Variants in FARS2 observed in about 807,000 individuals in gnomAD.
The protein encoded by FARS2 is phenylalanine--tRNA ligase, mitochondrial.
A neutral mutation model predicts 46.4 loss-of-function variants in FARS2; 40 were observed. The observed-to-expected ratio is 0.86, with a 90% confidence interval of 0.67 to 1.12. The LOEUF is 1.12. Ranked by LOEUF, FARS2 falls within the 50% of genes most tolerant of loss-of-function variation. FARS2 has a pLI of 0.00. For missense variants in FARS2, 513 were observed against 567.9 expected (o/e 0.90, Z 0.98); for synonymous variants, 234 against 214.9 (o/e 1.09, Z -0.78).
At chr6:5,510,681 G>C (rs12204848) in intron 4 of FARS2, among the ~76,000 whole-genome samples, 38,411 of 152,142 alleles carry the variant, frequency 0.25, 5,001 homozygotes, top group South Asian at 0.38. Flanking sequence ...TGAGAAGCGA[G>C]TACGTGAGTG....
At chr6:5,690,070 T>C (rs1364256885) in intron 6 of FARS2, among the ~76,000 whole-genome samples, 8 of 152,218 alleles carry the variant, frequency 5.3e-5, no homozygotes, top group Non-Finnish European at 1.2e-4. Context: ...CCTTCATCCC[T>C]TTATTTTGAG....
At chr6:5,428,287 A>G (rs1398099401) in intron 3 of FARS2, among the ~76,000 whole-genome samples, 2 of 152,068 alleles carry the variant, frequency 1.3e-5, no homozygotes, top group African/African-American at 2.4e-5. Context: ...TATTTATTTA[A>G]CCTATCCAAA....
At chr6:5,289,747 G>C (rs559550644) in intron 1 of FARS2, among the ~76,000 whole-genome samples, 2 of 152,354 alleles carry the variant, frequency 1.3e-5, no homozygotes, top group Non-Finnish European at 2.9e-5. Flanking sequence ...TGTTGCAGGA[G>C]GGGACCAATC....
chr6:5,703,321 A>G (rs1758554134), intron 6 of FARS2, among the ~76,000 whole-genome samples: 2 of 152,078 alleles, frequency 1.3e-5, no homozygotes, highest in Non-Finnish European at 2.9e-5. Flanking sequence ...GGGTGCTGAA[A>G]AGCCCAGCCC....
At chr6:5,651,658 A>G (rs756680744) in intron 6 of FARS2, among the ~76,000 whole-genome samples, 1 of 152,222 alleles carries the variant, frequency 6.6e-6, no homozygotes, top group Non-Finnish European at 1.5e-5. Context: ...TGCAAACCTA[A>G]TAACAACCAT....
chr6:5,452,356 A>T (rs1764545668), intron 4 of FARS2: 1 of 152,378 alleles, frequency 6.6e-6, no homozygotes, highest in Admixed American at 6.5e-5. Context: ...GGTGAGGTCC[A>T]CATGGCCTTT....
chr6:5,358,893 A>T (rs1319683567), intron 1 of FARS2, among the ~76,000 whole-genome samples: 1 of 152,162 alleles, frequency 6.6e-6, no homozygotes, highest in African/African-American at 2.4e-5. Context: ...GTCACAAGAT[A>T]TGTTTCTCAT....
At chr6:5,259,511 C>A (rs373145295), upstream of FARS2, among the ~76,000 whole-genome samples, 42 of 152,254 alleles carry the variant, frequency 2.8e-4, no homozygotes, top group South Asian at 7.9e-3. Context: ...ATTTTCCAGG[C>A]GGGTTTCTAA....
At chr6:5,547,500 T>C (rs1391798718) in intron 5 of FARS2, among the ~76,000 whole-genome samples, 1 of 152,198 alleles carries the variant, frequency 6.6e-6, no homozygotes, top group Non-Finnish European at 1.5e-5. Context: ...CTTTTTGTTC[T>C]AATCAGGAGT....
At chr6:5,595,383 C>T (rs749578688) in intron 5 of FARS2, among the ~76,000 whole-genome samples, 3 of 152,268 alleles carry the variant, frequency 2.0e-5, no homozygotes, top group East Asian at 1.9e-4. Flanking sequence ...GATAGGTTTT[C>T]GCTTCTGTCG....
rs6916896 is a variant in FARS2 at position 5,734,653 on chromosome 6, C to T, written c.1218-36638C>T. The stretch of plus-strand genomic sequence containing the variant: ...TAAATGCCTTGTATAAAGTATCTTA[C>T]TGAATCTTCTTAATAACCCTTTGAT... On this transcript the variant is annotated intron_variant, in intron 6 of 6. Transcript: ENST00000274680. Among the ~76,000 whole-genome samples, 857 of 152,308 alleles carry T rather than the reference C, an allele frequency of 5.6e-3. 7 individuals carry two copies. The highest frequency in any genetic ancestry group is 0.017 in the Middle Eastern group (5 of 294).
Position 5,704,927 on chromosome 6 carries a change from G to A in FARS2, c.1218-66364G>A, listed in dbSNP as rs191828161. On this transcript the variant is annotated intron_variant, in intron 6 of 6. Transcript: ENST00000274680. ...TAATAGAACTTGCTTCAGGGTGGTT[G>A]TGAGGCATAAATGAGGTAATACATG... is the stretch of plus-strand genomic sequence containing the variant. Among the ~76,000 whole-genome samples, 9 of 152,200 alleles carry A rather than the reference G, an allele frequency of 5.9e-5. No homozygotes were observed. In the South Asian group the frequency reaches 8.3e-4, roughly 14 times the overall value.
intron 3 of FARS2, among the ~76,000 whole-genome samples, chr6:5,408,121 A>G (rs993459873): frequency 7.2e-5 from 11 of 152,172 alleles, no homozygotes; most frequent in African/African-American, 2.7e-4. Flanking sequence ...TGCAGGCATC[A>G]CAATATTGAA....
chr6:5,538,822 G>A lies in FARS2; in HGVS notation c.905-6358G>A, dbSNP rs532366866. ...TGATGCAACTCAGCAAATGGACACC[G>A]TATCCTTTCTTGCAACCCTCCATGA... On this transcript the variant is annotated intron_variant, in intron 4 of 6. Transcript: ENST00000274680. Among the ~76,000 whole-genome samples the A allele has an allele frequency of 3.7e-4, 56 of 152,298 alleles. 1 individual carries two copies. In the South Asian group the frequency reaches 0.011, roughly 29 times the overall value.
At chr6:5,380,255 C>G (rs1759668532) in intron 2 of FARS2, among the ~76,000 whole-genome samples, 1 of 152,172 alleles carries the variant, frequency 6.6e-6, no homozygotes, top group South Asian at 2.1e-4. Context: ...CTTTACATCT[C>G]ATTTCTCTAA....
At chr6:5,376,328 A>G (rs1162402945) in intron 2 of FARS2, among the ~76,000 whole-genome samples, 2 of 152,234 alleles carry the variant, frequency 1.3e-5, no homozygotes, top group Non-Finnish European at 2.9e-5. Context: ...ATGCAAATTA[A>G]AACAACCAAA....
chr6:5,621,140 C>CA (rs1775752619), intron 6 of FARS2, among the ~76,000 whole-genome samples: 1 of 152,102 alleles, frequency 6.6e-6, no homozygotes, highest in Admixed American at 6.6e-5. Context: ...TGTTTTGAGA[C>CA]AGGGCTTTGT....
intron 1 of FARS2, among the ~76,000 whole-genome samples, chr6:5,281,805 AATG>A (rs1234043535): frequency 1.3e-5 from 2 of 152,334 alleles, no homozygotes; most frequent in African/African-American, 4.8e-5. Flanking sequence ...TGTATTGGGA[AATG>A]GTAGACACTT....
chr6:5,345,587 C>T (rs186560426), intron 1 of FARS2, among the ~76,000 whole-genome samples: 19 of 152,296 alleles, frequency 1.2e-4, no homozygotes, highest in East Asian at 5.8e-4. Flanking sequence ...CAGAATAGAA[C>T]GGAGATGAGT....
Sources: gnomAD v4.1 joint callset for allele counts (sites outside exome capture counted in the v4.1 genomes callset) on GRCh38, gnomAD v4.1.1 for gene constraint, MANE v1.5 for transcripts, NCBI Gene and HGNC (gene_info 2026-07-23, HGNC 2026-07-21) for gene names.